The following RBBP5 variants were observed in gnomAD, a reference collection of about 807,000 sequenced individuals.
The protein encoded by RBBP5 is RB binding protein 5, histone lysine methyltransferase complex subunit, also known as retinoblastoma-binding protein 5.
A neutral mutation model predicts 72.2 loss-of-function variants in RBBP5; 5 were observed. That is an observed-to-expected ratio of 0.07 (90% CI 0.04 to 0.15). The LOEUF (loss-of-function observed/expected upper bound fraction) is 0.15, where lower values mean the gene tolerates loss of function less well. RBBP5 is among the 10% of genes least tolerant of loss of function. RBBP5 has a pLI of 1.00. For missense variants in RBBP5, 322 were observed against 652.2 expected (o/e 0.49, Z 5.51); for synonymous variants, 209 against 237.2 (o/e 0.88, Z 1.09).
chr1:205,102,488 T>C (rs981102178), intron 5 of RBBP5, among the ~76,000 whole-genome samples: 2 of 151,922 alleles, frequency 1.3e-5, no homozygotes, highest in Admixed American at 6.6e-5. Flanking sequence ...GGTCAAAGGG[T>C]GTTTCTAGGG....
chr1:205,105,308 T>A (rs1656011675), intron 3 of RBBP5, 140 bp from the exon 4 acceptor site: 3 of 889,824 alleles, frequency 3.4e-6, no homozygotes, highest in Non-Finnish European at 5.0e-6. Context: ...TATACTCAAA[T>A]CCATAAGCTT....
At chr1:205,109,426 A>C (rs1558579117) in intron 3 of RBBP5, among the ~76,000 whole-genome samples, 1 of 152,232 alleles carries the variant, frequency 6.6e-6, no homozygotes, top group Non-Finnish European at 1.5e-5. Context: ...TCTACTGGGA[A>C]TGGCACAAGA....
chr1:205,106,008 G>T (rs1388124325), intron 3 of RBBP5, among the ~76,000 whole-genome samples: 1 of 152,230 alleles, frequency 6.6e-6, no homozygotes, highest in African/African-American at 2.4e-5. Context: ...GGTGGTGTCA[G>T]AGAAGGATCA....
intron 13 of RBBP5, among the ~76,000 whole-genome samples, chr1:205,089,482 T>C (rs943918329): frequency 1.3e-5 from 2 of 152,146 alleles, no homozygotes; most frequent in Non-Finnish European, 2.9e-5. Context: ...CTAGGAAGTG[T>C]AAAAAGAGAA....
intron 13 of RBBP5, chr1:205,091,237 T>C (rs1265495552): frequency 6.6e-6 from 1 of 152,304 alleles, no homozygotes; most frequent in Non-Finnish European, 1.5e-5. Context: ...CCCTAGCTCT[T>C]GGGCAATCCT....
intron 1 of RBBP5, among the ~76,000 whole-genome samples, chr1:205,118,238 A>G (rs1367470764): frequency 5.9e-5 from 9 of 152,164 alleles, no homozygotes; most frequent in Admixed American, 5.9e-4. Flanking sequence ...ATCTTATTTC[A>G]ATGTTTTTCA....
At chr1:205,113,787 C>T (rs200934747) in intron 3 of RBBP5, among the ~76,000 whole-genome samples, 4 of 151,028 alleles carry the variant, frequency 2.6e-5, no homozygotes, top group African/African-American at 2.4e-5. Flanking sequence ...CAGGTTCAAG[C>T]GATTCTCCTG....
At chr1:205,100,338 T>C (rs987149692) in intron 6 of RBBP5, 67 bp from the exon 7 acceptor site, 18 of 1,549,370 alleles carry the variant, frequency 1.2e-5, no homozygotes, top group Non-Finnish European at 1.5e-5. Context: ...ACAAAACGAC[T>C]AATAAACTAG....
In RBBP5 at chr1:205,099,759, G is replaced by A; in HGVS notation, c.960C>T (p.Ile320=). 1 of 1,613,076 alleles carries A rather than the reference G, an allele frequency of 6.2e-7. No homozygotes were observed. The highest frequency in any genetic ancestry group is 8.5e-7 in the Non-Finnish European group (1 of 1,179,042). The part of the protein sequence containing the change: ...IASISSGVVS[I]WAQNQVENWS... ...TACTTACTACTTGATTCTGTGCCCA[G>A]ATAGATACCACTCCACTGGAAATGG... Residue 320 remains isoleucine (I), a synonymous_variant, in exon 9 of 14, where the codon ATC becomes ATT. Transcript: ENST00000264515. The surrounding 1 kb of genome is among the most constrained non-coding windows in gnomAD (Gnocchi z 4.7).
At chr1:205,102,757 G>C (rs1655886167) in intron 5 of RBBP5, among the ~76,000 whole-genome samples, 1 of 152,114 alleles carries the variant, frequency 6.6e-6, no homozygotes, top group Non-Finnish European at 1.5e-5. Flanking sequence ...ACTTTAGGAG[G>C]CTGAAGCAAG....
At position 205,093,541 on chromosome 1, in the gene RBBP5, C is replaced by T. The variant is rs1224868766; in HGVS notation, c.1588+1332G>A. Among the ~76,000 whole-genome samples, 14 of 93,304 alleles carry T rather than the reference C, an allele frequency of 1.5e-4. 1 individual carries two copies. Among genetic ancestry groups the T allele is most frequent in the African/African-American group, 5.3e-4 (13 of 24,648 alleles). 61.2% of individuals were successfully genotyped at this position (93,304 alleles called of 152,430 possible). On this transcript the variant is annotated intron_variant, in intron 13 of 13. Transcript: ENST00000264515. ...ATATATATATATATATATACACACACACACACACACACACACACACACACA... is the reference window on the plus strand; with the variant it reads ...ATATATATATATATATATACACACATACACACACACACACACACACACACA...
chr1:205,118,021 G>A (rs1414158887), intron 1 of RBBP5, among the ~76,000 whole-genome samples: 2 of 151,750 alleles, frequency 1.3e-5, no homozygotes, highest in Non-Finnish European at 1.5e-5. Flanking sequence ...TGTTGACCAG[G>A]CTGGTCTCCA....
chr1:205,104,693 T>G (rs952057166), intron 4 of RBBP5, among the ~76,000 whole-genome samples: 1 of 151,622 alleles, frequency 6.6e-6, no homozygotes, highest in African/African-American at 2.4e-5. Flanking sequence ...ATACAAAAAT[T>G]AGCCAGGCAT....
chr1:205,120,803 T>TAAAAAAAAA (rs1382671700), intron 1 of RBBP5, among the ~76,000 whole-genome samples: 1 of 152,020 alleles, frequency 6.6e-6, no homozygotes, highest in Non-Finnish European at 1.5e-5. Context: ...AAAGTCCACT[T>TAAAAAAAAA]AAAACTCCAA....
At position 205,108,330 on chromosome 1, in the gene RBBP5, T is replaced by C. The variant is rs182549789; in HGVS notation, c.219-3162A>G. The stretch of plus-strand genomic sequence containing the variant: ...ACTGTCTTATGTGGGTGTCAATGTA[T>C]GTAGAGCAAATATTTAAGACAATTA... On this transcript the variant is annotated intron_variant, in intron 3 of 13. Transcript: ENST00000264515. Among the ~76,000 whole-genome samples, 32 of 152,346 alleles carry C rather than the reference T, an allele frequency of 2.1e-4. 1 individual carries two copies. The highest frequency in any genetic ancestry group is 7.2e-4 in the African/African-American group (30 of 41,578).
chr1:205,119,311 G>A (rs1656647677), intron 1 of RBBP5, among the ~76,000 whole-genome samples: 1 of 152,124 alleles, frequency 6.6e-6, no homozygotes, highest in Admixed American at 6.6e-5. Context: ...TAGGAGAATC[G>A]GTTGAACTTG....
At chr1:205,091,788 G>A (rs1655360809) in intron 13 of RBBP5, 1 of 151,426 alleles carries the variant, frequency 6.6e-6, no homozygotes, top group African/African-American at 2.4e-5. Context: ...AGTTGTCCAT[G>A]GGGCAGGGGG....
Position 205,086,686 on chromosome 1 carries a change from A to C in RBBP5, c.*2101T>G, listed in dbSNP as rs1655153872. On this transcript the variant is annotated 3_prime_UTR_variant, in exon 14 of 14. Coordinates refer to ENST00000264515, the MANE Select transcript of RBBP5 (RefSeq NM_005057.4). ...AAGTTGAAAAAAAAATTCCAAAAAC[A>C]TAAATAATTATTAGGAGCTACTGCC... The C allele has an allele frequency of 6.6e-6, 1 of 152,244 alleles. No homozygotes were observed. Among genetic ancestry groups the C allele is most frequent in the Admixed American group, 6.5e-5 (1 of 15,288 alleles). 9.4% of individuals were successfully genotyped at this position (152,244 alleles called of 1,614,324 possible).
intron 11 of RBBP5, 107 bp downstream of exon 11, chr1:205,097,219 C>T: frequency 9.2e-7 from 1 of 1,091,208 alleles, no homozygotes; most frequent in African/African-American, 1.6e-5. Context: ...TCTCTTTTAG[C>T]TAATAAGCAG....
Sources: gnomAD v4.1 joint callset for allele counts (sites outside exome capture counted in the v4.1 genomes callset) on GRCh38, gnomAD v4.1.1 for gene constraint, Gnocchi (gnomAD v3.1) non-coding constraint, MANE v1.5 for transcripts, NCBI Gene and HGNC (gene_info 2026-07-23, HGNC 2026-07-21) for gene names.